The following DLGAP2 variants were observed in gnomAD, a reference collection of about 807,000 sequenced individuals.
DLGAP2 encodes disks large-associated protein 2.
A neutral mutation model predicts 100.3 loss-of-function variants in DLGAP2; 26 were observed. The observed-to-expected ratio is 0.26, with a 90% CI of 0.19 to 0.36. The LOEUF is 0.36. DLGAP2 is among the 10% of genes least tolerant of loss of function. The pLI is 1.00. For missense variants in DLGAP2, 1,858 were observed against 1,453.2 expected (o/e 1.28, Z -4.53); for synonymous variants, 886 against 630.1 (o/e 1.41, Z -6.08).
At chr8:743,834 C>G (rs1186196347) in intron 1 of DLGAP2, among the ~76,000 whole-genome samples, 4 of 152,346 alleles carry the variant, frequency 2.6e-5, no homozygotes, top group South Asian at 2.1e-4. Context: ...CAAAATGTTG[C>G]GATTGTGGGC....
chr8:1,677,980 A>G (rs747807522), intron 11 of DLGAP2, among the ~76,000 whole-genome samples: 10 of 152,336 alleles, frequency 6.6e-5, no homozygotes, highest in Non-Finnish European at 1.5e-4. Flanking sequence ...TTAAATCCCA[A>G]GTGGGTGTTA....
intron 3 of DLGAP2, among the ~76,000 whole-genome samples, chr8:1,280,522 T>C (rs968485822): frequency 6.6e-6 from 1 of 152,192 alleles, no homozygotes; most frequent in Non-Finnish European, 1.5e-5. Flanking sequence ...TGGGGGTCTA[T>C]AAAGGAGGAG....
intron 6 of DLGAP2, among the ~76,000 whole-genome samples, chr8:1,587,935 A>G (rs1796173982): frequency 6.6e-6 from 1 of 152,206 alleles, no homozygotes; most frequent in South Asian, 2.1e-4. Flanking sequence ...CTAGCTCTTC[A>G]CTATACCAAT....
chr8:1,427,020 G>T (rs952836591), intron 3 of DLGAP2, among the ~76,000 whole-genome samples: 4 of 152,176 alleles, frequency 2.6e-5, no homozygotes, highest in African/African-American at 9.6e-5. Flanking sequence ...ATTTAAAGAA[G>T]AGGCTTCAAT....
chr8:1,039,595 C>G (rs1443400588), intron 2 of DLGAP2, among the ~76,000 whole-genome samples: 3 of 108,806 alleles, frequency 2.8e-5, no homozygotes, highest in African/African-American at 1.2e-4. Flanking sequence ...TGTGCGTGGT[C>G]AGCTTGGTGT....
chr8:1,648,831 G>A (rs993374847), intron 8 of DLGAP2, among the ~76,000 whole-genome samples: 3 of 152,164 alleles, frequency 2.0e-5, no homozygotes, highest in East Asian at 1.9e-4. Context: ...AGAGGATATC[G>A]TGGGGTTGGC....
At chr8:800,998 G>A (rs1796141150) in intron 1 of DLGAP2, among the ~76,000 whole-genome samples, 1 of 152,130 alleles carries the variant, frequency 6.6e-6, no homozygotes, top group African/African-American at 2.4e-5. Context: ...TCCACAGCCT[G>A]ATACACCTTC....
At chr8:1,507,462 C>T (rs368643039) in intron 4 of DLGAP2, among the ~76,000 whole-genome samples, 3 of 152,168 alleles carry the variant, frequency 2.0e-5, no homozygotes, top group Non-Finnish European at 4.4e-5. Context: ...CCGCGGAGCC[C>T]GCGCCCACCC....
At chr8:927,010 A>G in intron 2 of DLGAP2, 1 of 985,340 alleles carries the variant, frequency 1.0e-6, no homozygotes, top group Non-Finnish European at 1.2e-6. Context: ...CCCCCCGCCG[A>G]GAAAGAGAAA....
intron 10 of DLGAP2, 29 bp downstream of exon 10, chr8:1,669,813 C>G: frequency 1.3e-6 from 1 of 780,906 alleles, no homozygotes; most frequent in Non-Finnish European, 2.4e-6. Context: ...TCCAAAGCCG[C>G]GTCCGCATGA....
intron 1 of DLGAP2, among the ~76,000 whole-genome samples, chr8:743,725 A>G (rs1820545341): frequency 6.6e-6 from 1 of 152,054 alleles, no homozygotes; most frequent in Non-Finnish European, 1.5e-5. Flanking sequence ...CACCACACCC[A>G]GCTAATTTTT....
Position 890,275 on chromosome 8 carries a change from G to A in DLGAP2, c.19-17637G>A, listed in dbSNP as rs368102560. On this transcript the variant is annotated intron_variant, in intron 1 of 14. Coordinates refer to ENST00000637795, the MANE Select transcript of DLGAP2 (RefSeq NM_001346810.2). Reference sequence around the variant, plus strand: ...AAGCCGTCTAGGATGAGCCATGCACGTGCACGCGCATGGCAGAGCGTGGTT... The same window carrying A: ...AAGCCGTCTAGGATGAGCCATGCACATGCACGCGCATGGCAGAGCGTGGTT... Among the ~76,000 whole-genome samples, 32 of 152,314 alleles carry A rather than the reference G, an allele frequency of 2.1e-4. No individual in the cohort carries two copies. The East Asian group carries it at 5.2e-3, about 25-fold the overall frequency.
chr8:1,254,812 CT>C (rs1177092810), intron 2 of DLGAP2, among the ~76,000 whole-genome samples: 2 of 149,518 alleles, frequency 1.3e-5, no homozygotes. Context: ...GTTCACTGCG[CT>C]CCCACAAAGA....
intron 3 of DLGAP2, among the ~76,000 whole-genome samples, chr8:1,388,558 G>A (rs1278927121): frequency 1.3e-5 from 1 of 75,516 alleles, no homozygotes; most frequent in Non-Finnish European, 2.7e-5. Context: ...AGAGGCAGAG[G>A]CAGTGGGTGG....
chr8:1,641,962 C>A (rs1797917742), intron 8 of DLGAP2, among the ~76,000 whole-genome samples: 1 of 95,980 alleles, frequency 1.0e-5, no homozygotes, highest in Non-Finnish European at 1.9e-5. Context: ...ACCTGTGTCA[C>A]CCTCGACCCC....
intron 1 of DLGAP2, among the ~76,000 whole-genome samples, chr8:774,021 C>A (rs1314576405): frequency 6.6e-6 from 1 of 152,204 alleles, no homozygotes; most frequent in Non-Finnish European, 1.5e-5. Flanking sequence ...TGTTTCCTCA[C>A]TTTTTAATGA....
intron 2 of DLGAP2, among the ~76,000 whole-genome samples, chr8:1,027,297 G>C (rs990474764): frequency 3.3e-5 from 5 of 152,210 alleles, no homozygotes; most frequent in African/African-American, 1.2e-4. Flanking sequence ...TGAGGTGCCG[G>C]GTGCCCATTA....
At chr8:986,759 A>G (rs1800499294) in intron 2 of DLGAP2, among the ~76,000 whole-genome samples, 1 of 151,254 alleles carries the variant, frequency 6.6e-6, no homozygotes, top group African/African-American at 2.4e-5. Context: ...TCCCAGGTTC[A>G]AGTGATTCTC....
intron 2 of DLGAP2, among the ~76,000 whole-genome samples, chr8:915,379 C>G (rs1452593574): frequency 2.6e-5 from 4 of 152,168 alleles, no homozygotes; most frequent in African/African-American, 9.7e-5. Context: ...AACCCGGTCT[C>G]TACTAAAAAT....
Sources: gnomAD v4.1 joint callset for allele counts (sites outside exome capture counted in the v4.1 genomes callset) on GRCh38, gnomAD v4.1.1 for gene constraint, MANE v1.5 for transcripts, NCBI Gene and HGNC (gene_info 2026-07-23, HGNC 2026-07-21) for gene names.